Variants in PAPOLG observed in about 807,000 individuals in gnomAD.
The protein encoded by PAPOLG is PAP-gamma.
In PAPOLG, 40 loss-of-function variants were observed where a neutral mutation model predicts 99.0. That is an observed-to-expected ratio of 0.40 (90% CI 0.31 to 0.53). PAPOLG has a LOEUF of 0.53. Among genes scored for constraint, PAPOLG ranks in the 20% least tolerant of loss-of-function variants. PAPOLG has a pLI of 0.41. For synonymous variants in PAPOLG, 310 were observed against 299.3 expected (o/e 1.04, Z -0.37); for missense variants, 675 against 884.1 (o/e 0.76, Z 3.00).
rs141327532 is a variant in PAPOLG, at chr2:60,764,843, C to T, written c.246+3036C>T. Among the ~76,000 whole-genome samples the T allele has an allele frequency of 1.4e-3, 219 of 152,244 alleles. 1 individual carries two copies. The highest frequency in any genetic ancestry group is 7.2e-4 in the Non-Finnish European group (49 of 68,026). ...AGTTGAGTCTCCTAAAGACTACAGT[C>T]GTTGAGTTTAACATGGTATTTATGC... On this transcript the variant is annotated intron_variant, in intron 3 of 21. Transcript: ENST00000238714.
At position 60,760,183 on chromosome 2, in the gene PAPOLG, T is replaced by G. The variant is rs374304234; in HGVS notation, c.67T>G (p.Ser23Ala). The G allele has an allele frequency of 6.2e-7, 1 of 1,613,898 alleles. No individual in the cohort carries two copies. The highest frequency in any genetic ancestry group is 8.5e-7 in the Non-Finnish European group (1 of 1,179,804). Residue 23 changes from serine (S) to alanine (A), a missense_variant, in exon 2 of 22, where the codon TCC (serine) becomes GCC (alanine). Transcript: ENST00000238714. Reference protein sequence around the residue: ...QRQQKHYGITSPISLASPKEI... With the variant: ...QRQQKHYGITAPISLASPKEI... ...TCAACAAAAGCATTATGGAATTACC[T>G]CCCCAATTAGTTTGGCATCTCCTAA...
At chr2:60,795,674 A>T (rs1191525129) in intron 21 of PAPOLG, among the ~76,000 whole-genome samples, 1 of 150,558 alleles carries the variant, frequency 6.6e-6, no homozygotes, top group Non-Finnish European at 1.5e-5. Flanking sequence ...ATATATGATG[A>T]TAATTATAAA....
Position 60,794,764 on chromosome 2 carries a change from A to G in PAPOLG, c.2044A>G (p.Arg682Gly), listed in dbSNP as rs1056573682. 6.2e-7 allele frequency: 1 copy of G among 1,607,328 alleles called. No individual in the cohort carries two copies. Among genetic ancestry groups the G allele is most frequent in the African/African-American group, 1.3e-5 (1 of 74,788 alleles). ...KDPRTAEERK[R>G]KSVDAIGGES... is the part of the protein sequence containing the mutation. ...CCCCCGCACTGCTGAAGAAAGAAAA[A>G]GAAAATCAGTGGTAAATATATTAAT... The change falls in exon 20 of 22, where the codon AGA becomes GGA. Residue 682 changes from arginine (R) to glycine (G), a missense_variant. Physicochemically the swap from Arg to Gly is moderately radical, Grantham distance 125 (BLOSUM62 -2). Around this residue, in one of 3 missense-constraint regions of PAPOLG, gnomAD observed 413 missense variants for 460.5 expected, o/e 0.90. Coordinates refer to ENST00000238714, the MANE Select transcript of PAPOLG (RefSeq NM_022894.4).
intron 15 of PAPOLG, among the ~76,000 whole-genome samples, chr2:60,788,841 C>T (rs1183698932): frequency 6.6e-6 from 1 of 151,524 alleles, no homozygotes; most frequent in East Asian, 1.9e-4. Context: ...ACAAAAAATA[C>T]AAAAAAAAGT....
intron 7 of PAPOLG, 30 bp downstream of exon 7, chr2:60,771,660 C>G: frequency 1.3e-6 from 2 of 1,584,980 alleles, no homozygotes; most frequent in Non-Finnish European, 1.7e-6. Flanking sequence ...TCTCAGATAC[C>G]TGCTTCAGAA....
At chr2:60,783,100 C>A in intron 12 of PAPOLG, 56 bp from the exon 13 acceptor site, 1 of 1,445,082 alleles carries the variant, frequency 6.9e-7, no homozygotes, top group Non-Finnish European at 9.3e-7. Flanking sequence ...GATTAAAAAG[C>A]AGGCTGTAAC....
chr2:60,770,730 C>T (rs1482349770), intron 6 of PAPOLG, among the ~76,000 whole-genome samples: 1 of 151,742 alleles, frequency 6.6e-6, no homozygotes, highest in Non-Finnish European at 1.5e-5. Context: ...TTGAAGTGAT[C>T]CTTCCACCTG....
intron 8 of PAPOLG, among the ~76,000 whole-genome samples, chr2:60,778,195 G>A (rs1212780591): frequency 2.0e-5 from 3 of 152,016 alleles, no homozygotes; most frequent in African/African-American, 4.8e-5. Context: ...CTCCCAGACC[G>A]GAATGCAGTG....
intron 13 of PAPOLG, among the ~76,000 whole-genome samples, chr2:60,784,266 C>T (rs11901270): frequency 0.25 from 38,383 of 152,188 alleles, 5,228 homozygotes; most frequent in Middle Eastern, 0.35. Context: ...CCACCACACC[C>T]GGCCTGAGTT....
Position 60,760,236 on chromosome 2 carries a change from A to T in PAPOLG, c.120A>T (p.Lys40Asn). Residue 40 changes from lysine to asparagine, a missense_variant, in exon 2 of 22, where the codon AAA becomes AAT. Physicochemically the swap from Lys to Asn is moderately conservative, Grantham distance 94. Transcript: ENST00000238714. ...PKEIDHIYTQ[K>N]LIDAMKPFGV... ...AAATTGATCATATTTACACACAGAA[A>T]TTAATTGACGCCATGAAACCATTTG... 6.2e-7 allele frequency: 1 copy of T among 1,614,122 alleles called. No homozygotes were observed. The highest frequency in any genetic ancestry group is 1.1e-5 in the South Asian group (1 of 91,080).
rs1338829943 is a variant in PAPOLG, at chr2:60,787,541, G to A, written c.1317G>A (p.Gly439=). The A allele has an allele frequency of 2.5e-6, 4 of 1,613,954 alleles. No individual in the cohort carries two copies. The highest frequency in any genetic ancestry group is 4.5e-5 in the East Asian group (2 of 44,872). The change falls in exon 15 of 22, where the codon GGG becomes GGA. Residue 439 remains glycine (G), a synonymous_variant. Transcript: ENST00000238714. The stretch of plus-strand genomic sequence containing the variant: ...ATTACGTATCAATGTGGTTCCTTGG[G>A]ATAATTTTTCGGAGAGTAGAAAATG... ...DNNYVSMWFL[G]IIFRRVENAE... is the part of the protein sequence containing the mutation.
intron 2 of PAPOLG, 87 bp from the exon 3 acceptor site, chr2:60,761,652 AAC>A: frequency 1.8e-6 from 2 of 1,112,478 alleles, no homozygotes; most frequent in South Asian, 2.7e-5. Flanking sequence ...CCCCAGCATC[AAC>A]ACAAAGGGTA....
Position 60,761,496 on chromosome 2 carries a change from T to C in PAPOLG, c.180-245T>C, listed in dbSNP as rs373922159. ...CAATTTTATGATTTTTATTAGGCTT[T>C]TTGAATTTTTGAAAATAGCTCAAAA... On this transcript the variant is annotated intron_variant, in intron 2 of 21. Coordinates refer to ENST00000238714, the MANE Select transcript of PAPOLG (RefSeq NM_022894.4). 3.1e-3 allele frequency among the ~76,000 whole-genome samples: 469 copies of C among 152,312 alleles called. 2 individuals are homozygous for C. Among genetic ancestry groups the C allele is most frequent in the African/African-American group, 0.011 (451 of 41,576 alleles).
At chr2:60,759,477 T>C (rs1238759858) in intron 1 of PAPOLG, among the ~76,000 whole-genome samples, 2 of 152,210 alleles carry the variant, frequency 1.3e-5, no homozygotes, top group Admixed American at 6.5e-5. Flanking sequence ...TTCCAAAAGA[T>C]TGCCAGTAGT....
At chr2:60,788,825 A>G (rs1337358641) in intron 15 of PAPOLG, among the ~76,000 whole-genome samples, 1 of 151,886 alleles carries the variant, frequency 6.6e-6, no homozygotes, top group Non-Finnish European at 1.5e-5. Context: ...GTGAAACCCC[A>G]TCTCTACAAA....
intron 3 of PAPOLG, among the ~76,000 whole-genome samples, chr2:60,764,783 A>T (rs1203767218): frequency 6.6e-6 from 1 of 152,118 alleles, no homozygotes; most frequent in Non-Finnish European, 1.5e-5. Flanking sequence ...ATGAATATGT[A>T]GAATTGGTTC....
intron 13 of PAPOLG, among the ~76,000 whole-genome samples, chr2:60,784,138 A>C (rs1671286623): frequency 1.3e-5 from 2 of 151,852 alleles, no homozygotes; most frequent in Admixed American, 1.3e-4. Context: ...ACGCCCAGCT[A>C]ATTTTTGTAC....
chr2:60,784,125 A>AC (rs1671286233), intron 13 of PAPOLG, among the ~76,000 whole-genome samples: 1 of 151,984 alleles, frequency 6.6e-6, no homozygotes, highest in Admixed American at 6.6e-5. Flanking sequence ...AGCACCCACC[A>AC]CCACGCCCAG....
chr2:60,768,244 G>A (rs1345415705), intron 3 of PAPOLG, among the ~76,000 whole-genome samples: 1 of 152,158 alleles, frequency 6.6e-6, no homozygotes, highest in Non-Finnish European at 1.5e-5. Context: ...TGGGATTACA[G>A]GTGGCCACCA....
Sources: allele counts gnomAD v4.1 joint callset (sites outside exome capture counted in the v4.1 genomes callset), GRCh38; gene constraint gnomAD v4.1.1; regional missense constraint gnomAD v4.1.1; transcripts MANE v1.5; gene names NCBI Gene and HGNC (gene_info 2026-07-23, HGNC 2026-07-21).